GRN: variants seen among roughly 807,000 people sequenced by gnomAD.
The protein encoded by GRN is progranulin.
In GRN, 30 loss-of-function variants were observed where a neutral mutation model predicts 66.7. That is an observed-to-expected ratio of 0.45 (90% CI 0.34 to 0.61). The LOEUF (loss-of-function observed/expected upper bound fraction) is 0.61. Among genes scored for constraint, GRN ranks in the 20% least tolerant of loss-of-function variants. The pLI is 0.01. For synonymous variants in GRN, 327 were observed against 311.1 expected (o/e 1.05, Z -0.54); for missense variants, 731 against 803.5 (o/e 0.91, Z 1.09).
Position 44,349,716 on chromosome 17 carries a change from G to A in GRN, c.314G>A (p.Cys105Tyr). ...GHHCCPRGFH[C>Y]SADGRSCFQR... ...CACTGCTGCCCACGGGGCTTCCACT[G>A]CAGTGCAGACGGGCGATCCTGCTTC... Residue 105 changes from cysteine to tyrosine, a missense_variant, in exon 4 of 13, where the codon TGC (cysteine) becomes TAC (tyrosine). By Grantham distance (194) the Cys-to-Tyr change is radical. Around this residue, in one of 3 missense-constraint regions of GRN, gnomAD observed 370 missense variants for 379.8 expected, o/e 0.97. Transcript: ENST00000053867. 1.9e-6 allele frequency: 3 copies of A among 1,612,608 alleles called. No individual in the cohort carries two copies. The highest frequency in any genetic ancestry group is 2.5e-6 in the Non-Finnish European group (3 of 1,178,764).
intron 1 of GRN, among the ~76,000 whole-genome samples, chr17:44,347,343 T>G (rs2143315074): frequency 6.6e-6 from 1 of 152,046 alleles, no homozygotes; most frequent in South Asian, 2.1e-4. Context: ...GGCTGGAGTA[T>G]GTTGGCGTGA....
chr17:44,352,187 CG>C lies in GRN; in HGVS notation c.1354del (p.Val452TrpfsTer39). On this transcript the variant is annotated frameshift_variant, in exon 11 of 13. Transcript: ENST00000053867. LOFTEE classifies it high-confidence loss of function. ...GGCTGTGACCAGCACACCAGCTGCCCGGTGGGGCAGACCTGCTGCCCGAGCC... is the reference window on the plus strand; with the variant it reads ...GGCTGTGACCAGCACACCAGCTGCCCGTGGGGCAGACCTGCTGCCCGAGCC... ...DIGCDQHTSC[P>X]VGQTCCPSLG... 6 of 1,613,482 alleles carry C rather than the reference CG, an allele frequency of 3.7e-6. No homozygotes were observed. The highest frequency in any genetic ancestry group is 5.1e-6 in the Non-Finnish European group (6 of 1,179,914).
intron 1 of GRN, 43 bp downstream of exon 1, chr17:44,345,377 G>T (rs1269444793): frequency 5.4e-3 from 1 of 186 alleles, no homozygotes; most frequent in Non-Finnish European, 7.8e-3. Context: ...CTCCTGCCCA[G>T]GGGCCCGCCA....
In GRN at chr17:44,350,268, G is replaced by A; in HGVS notation, c.390G>A (p.Gln130=). Reference sequence around the variant, plus strand: ...GTGCCATCCAGTGCCCTGATAGTCAGTTCGAATGCCCGGACTTCTCCACGT... The same window carrying A: ...GTGCCATCCAGTGCCCTGATAGTCAATTCGAATGCCCGGACTTCTCCACGT... The part of the protein sequence containing the change: ...SVGAIQCPDS[Q]FECPDFSTCC... Residue 130 remains glutamine (Q), a synonymous_variant, in exon 5 of 13, where the codon CAG becomes CAA. Coordinates refer to ENST00000053867, the MANE Select transcript of GRN (RefSeq NM_002087.4). 4 of 1,614,012 alleles carry A rather than the reference G, an allele frequency of 2.5e-6. No individual in the cohort carries two copies. Among genetic ancestry groups the A allele is most frequent in the Non-Finnish European group, 3.4e-6 (4 of 1,179,934 alleles).
chr17:44,349,971 T>C, intron 4 of GRN: 1 of 637,054 alleles, frequency 1.6e-6, no homozygotes, highest in South Asian at 1.8e-5. Flanking sequence ...GTTGTGGGGG[T>C]GGGGAGAGGT....
intron 1 of GRN, chr17:44,345,833 C>G (rs2048322928): frequency 6.6e-6 from 1 of 152,300 alleles, no homozygotes; most frequent in South Asian, 2.1e-4. Context: ...TCCGCCTCTC[C>G]CAGCCACTTT....
chr17:44,348,979 G>T (rs2048345648), intron 1 of GRN, among the ~76,000 whole-genome samples, 179 bp from the exon 2 acceptor site: 1 of 152,258 alleles, frequency 6.6e-6, no homozygotes, highest in Non-Finnish European at 1.5e-5. Flanking sequence ...CACACGGGGC[G>T]CTGTAGGAAG....
intron 1 of GRN, chr17:44,345,993 G>A (rs2048324030): frequency 6.6e-6 from 1 of 152,292 alleles, no homozygotes. Flanking sequence ...GGCGGTGTAG[G>A]GTGGCATGAG....
Position 44,349,675 on chromosome 17 carries a change from A to T in GRN, c.273A>T (p.Ala91=). The T allele has an allele frequency of 6.2e-7, 1 of 1,612,508 alleles. No individual in the cohort carries two copies. Among genetic ancestry groups the T allele is most frequent in the Non-Finnish European group, 8.5e-7 (1 of 1,178,584 alleles). ...SSCCPFPEAV[A]CGDGHHCCPR... is the part of the protein sequence containing the mutation. ...TTCTCTGTGTTCCACAGGCCGTGGC[A>T]TGCGGGGATGGCCATCACTGCTGCC... The change falls in exon 4 of 13, where the codon GCA becomes GCT. Residue 91 remains alanine, a synonymous_variant. Coordinates refer to ENST00000053867, the MANE Select transcript of GRN (RefSeq NM_002087.4).
intron 1 of GRN, 130 bp from the exon 2 acceptor site, chr17:44,349,028 A>C: frequency 1.1e-6 from 1 of 939,518 alleles, no homozygotes. Flanking sequence ...CTGCCTGGAC[A>C]GGGAGGTGTT....
chr17:44,350,812 G>A lies in GRN; in HGVS notation c.708+12G>A, dbSNP rs1187859777. 1 of 1,592,626 alleles carries A rather than the reference G, an allele frequency of 6.3e-7. No individual in the cohort carries two copies. The highest frequency in any genetic ancestry group is 1.3e-5 in the African/African-American group (1 of 74,644). ...GCCCAATGCCCAACGTGAGTGAGGG[G>A]CTGGAGCCAGCTTGGCTGTGTGCCC... On this transcript the variant is annotated intron_variant, in intron 7 of 12. Coordinates refer to ENST00000053867, the MANE Select transcript of GRN (RefSeq NM_002087.4).
At position 44,352,130 on chromosome 17, in the gene GRN, G is replaced by A. The variant is rs920618508; in HGVS notation, c.1295G>A (p.Arg432His). The A allele has an allele frequency of 1.1e-5, 18 of 1,613,634 alleles. No homozygotes were observed. The highest frequency in any genetic ancestry group is 9.3e-5 in the African/African-American group (7 of 74,890). ...IVAGLEKMPA[R>H]RASLSHPRDI... is the part of the protein sequence containing the mutation. Reference sequence around the variant, plus strand: ...GCTGGACTGGAGAAGATGCCTGCCCGCCGGGCTTCCTTATCCCACCCCAGA... The same window carrying A: ...GCTGGACTGGAGAAGATGCCTGCCCACCGGGCTTCCTTATCCCACCCCAGA... The change falls in exon 11 of 13, where the codon CGC (arginine) becomes CAC (histidine). Residue 432 changes from arginine to histidine, a missense_variant. Arg to His is a conservative substitution (Grantham distance 29). Coordinates refer to ENST00000053867, the MANE Select transcript of GRN (RefSeq NM_002087.4).
chr17:44,349,966 G>T (rs2048356370), intron 4 of GRN: 1 of 638,652 alleles, frequency 1.6e-6, no homozygotes, highest in Non-Finnish European at 2.8e-6. Flanking sequence ...CAGGCGTTGT[G>T]GGGGTGGGGA....
rs1040876106 is a variant in GRN at position 44,353,060 on chromosome 17, G to T, written c.*262G>T. On this transcript the variant is annotated 3_prime_UTR_variant, in exon 13 of 13. Coordinates refer to ENST00000053867, the MANE Select transcript of GRN (RefSeq NM_002087.4). ...CTTTTCCCTATCCACAGGGGTGTTT[G>T]TGTGTGTGCGCGTGTGCGTTTCAAT... 1 of 588,732 alleles carries T rather than the reference G, an allele frequency of 1.7e-6. No homozygotes were observed. Among genetic ancestry groups the T allele is most frequent in the African/African-American group, 1.9e-5 (1 of 53,730 alleles). The allele number at this position is 588,732 out of a possible 1,614,324, so 36.5% of individuals were successfully genotyped here.
intron 1 of GRN, among the ~76,000 whole-genome samples, chr17:44,348,131 T>C (rs779475012): frequency 1.2e-4 from 19 of 152,182 alleles, no homozygotes; most frequent in Non-Finnish European, 2.1e-4. Flanking sequence ...CAAAGAAATA[T>C]ATATAAAATA....
At chr17:44,351,958 C>A in intron 10 of GRN, 57 bp from the exon 11 acceptor site, 1 of 1,494,306 alleles carries the variant, frequency 6.7e-7, no homozygotes, top group Non-Finnish European at 9.3e-7. Context: ...GGTAGGGGCT[C>A]GGCACTGCGC....
Position 44,351,455 on chromosome 17 carries a change from AC to A in GRN, c.931del (p.Gln311ArgfsTer50), listed in dbSNP as rs2048373485. 1 of 1,027,022 alleles carries A rather than the reference AC, an allele frequency of 9.7e-7. No homozygotes were observed. Among genetic ancestry groups the A allele is most frequent in the African/African-American group, 1.8e-5 (1 of 56,756 alleles). 63.6% of individuals were successfully genotyped at this position (1,027,022 alleles called of 1,614,324 possible). A position where few individuals can be genotyped will look rare whatever the true frequency, so the allele number is the denominator to read the frequency against. ...GGGGGCCTGGGGCTGCTGCCCTTTTACCCAGGTACCCAGGGGTGGCGGGTGG... is the reference window on the plus strand; with the variant it reads ...GGGGGCCTGGGGCTGCTGCCCTTTTACCAGGTACCCAGGGGTGGCGGGTGG... ...QSGAWGCCPF[T>X]QAVCCEDHIH... is the part of the protein sequence containing the mutation. On this transcript the variant is annotated frameshift_variant, in exon 9 of 13. Transcript: ENST00000053867. LOFTEE classifies it high-confidence loss of function.
rs1242287545 is a variant in GRN at position 44,352,487 on chromosome 17, G to C, written c.1560G>C (p.Glu520Asp). 6.2e-7 allele frequency: 1 copy of C among 1,613,766 alleles called. No individual in the cohort carries two copies. Among genetic ancestry groups the C allele is most frequent in the African/African-American group, 1.3e-5 (1 of 74,852 alleles). The change falls in exon 12 of 13, where the codon GAG (glutamate) becomes GAC (aspartate). Residue 520 changes from glutamate (E) to aspartate (D), a missense_variant. Physicochemically the swap from Glu to Asp is conservative, Grantham distance 45 (BLOSUM62 2). Coordinates refer to ENST00000053867, the MANE Select transcript of GRN (RefSeq NM_002087.4). ...CTCACGTGGGTGTGAAGGACGTGGA[G>C]TGTGGGGAAGGACACTTCTGCCATG... ...RSPHVGVKDV[E>D]CGEGHFCHDN...
At position 44,352,752 on chromosome 17, in the gene GRN, G is replaced by C. The variant is rs373138049; in HGVS notation, c.1736G>C (p.Arg579Pro). ...AAGTGTTTGCGCAGGGAGGCCCCGC[G>C]CTGGGACGCCCCTTTGAGGGACCCA... ...GTKCLRREAP[R>P]WDAPLRDPAL... The change falls in exon 13 of 13, where the codon CGC (arginine) becomes CCC (proline). Residue 579 changes from arginine to proline, a missense_variant. Around this residue, in one of 3 missense-constraint regions of GRN, gnomAD observed 319 missense variants for 347.2 expected, o/e 0.92. Coordinates refer to ENST00000053867, the MANE Select transcript of GRN (RefSeq NM_002087.4). 4.3e-6 allele frequency: 7 copies of C among 1,611,610 alleles called. No homozygotes were observed. The highest frequency in any genetic ancestry group is 5.9e-6 in the Non-Finnish European group (7 of 1,179,984).
Sources: allele counts gnomAD v4.1 joint callset (sites outside exome capture counted in the v4.1 genomes callset), GRCh38; gene constraint gnomAD v4.1.1; regional missense constraint gnomAD v4.1.1; transcripts MANE v1.5; gene names NCBI Gene and HGNC (gene_info 2026-07-23, HGNC 2026-07-21).